The following ZFHX3 variants were observed in gnomAD, a reference collection of about 807,000 sequenced individuals.
ZFHX3 encodes zinc finger homeobox protein 3.
Under a neutral mutation model 279.1 loss-of-function variants are expected in ZFHX3, and 42 were observed. That is an observed-to-expected ratio of 0.15 (90% CI 0.12 to 0.19). The LOEUF is 0.19. Ranked by LOEUF, ZFHX3 falls within the 10% of genes least tolerant of loss-of-function variation. The pLI, the probability that ZFHX3 is intolerant of heterozygous loss-of-function variation, is 1.00. For missense variants in ZFHX3, 4,981 were observed against 4,754.0 expected (o/e 1.05, Z -1.40); for synonymous variants, 2,293 against 1,957.8 (o/e 1.17, Z -4.52).
intron 3 of ZFHX3, among the ~76,000 whole-genome samples, chr16:72,910,647 T>C (rs911114276): frequency 9.9e-5 from 15 of 152,166 alleles, no homozygotes; most frequent in Non-Finnish European, 1.6e-4. Flanking sequence ...AGAGATAATC[T>C]AGAGATGGCA....
chr16:73,321,455 G>T (rs551615645), intron 3 of ZFHX3, among the ~76,000 whole-genome samples: 9 of 152,294 alleles, frequency 5.9e-5, no homozygotes, highest in African/African-American at 1.4e-4. Flanking sequence ...TCAGTCCAGG[G>T]CATGTACATT....
chr16:73,536,910 A>G (rs1429610693), intron 2 of ZFHX3, among the ~76,000 whole-genome samples: 1 of 152,168 alleles, frequency 6.6e-6, no homozygotes, highest in Non-Finnish European at 1.5e-5. Flanking sequence ...GTATTTGCAT[A>G]GGTTAATTCA....
At chr16:73,002,740 A>G (rs560112036) in intron 1 of ZFHX3, among the ~76,000 whole-genome samples, 1 of 152,312 alleles carries the variant, frequency 6.6e-6, no homozygotes, top group African/African-American at 2.4e-5. Flanking sequence ...TTTTTTTTAA[A>G]TTAGGTTCTC....
intron 1 of ZFHX3, among the ~76,000 whole-genome samples, chr16:73,768,843 A>C (rs1362340375): frequency 6.6e-6 from 1 of 152,174 alleles, no homozygotes; most frequent in Non-Finnish European, 1.5e-5. Flanking sequence ...GAGAAACTGA[A>C]AGCTGTACTC....
At chr16:73,750,943 G>A (rs188363067) in intron 1 of ZFHX3, among the ~76,000 whole-genome samples, 114 of 152,290 alleles carry the variant, frequency 7.5e-4, no homozygotes, top group African/African-American at 2.4e-3. Flanking sequence ...ACCATCTACT[G>A]AGCATAAAAA....
At chr16:73,106,348 A>G (rs1048921406) in intron 7 of ZFHX3, among the ~76,000 whole-genome samples, 9 of 152,120 alleles carry the variant, frequency 5.9e-5, no homozygotes, top group Admixed American at 5.2e-4. Context: ...TTAAATGCCC[A>G]TGCTTTTTGC....
chr16:72,902,111 T>C (rs2144135087), intron 3 of ZFHX3, among the ~76,000 whole-genome samples: 1 of 152,322 alleles, frequency 6.6e-6, no homozygotes, highest in African/African-American at 2.4e-5. Context: ...AATGGGGCTG[T>C]AATTGCAGGA....
In ZFHX3 at chr16:73,353,203, G is replaced by A. The variant is rs563513069; in HGVS notation, c.-1290-34867C>T. ...AAATGGTAAGACACAGTTAGAACCC[G>A]TCTGCAAGAGACAAGAAAAATATTC... On this transcript the variant is annotated intron_variant, in intron 3 of 17. Coordinates refer to the ZFHX3 transcript ENST00000641206. Among the ~76,000 whole-genome samples the A allele has an allele frequency of 1.5e-3, 230 of 152,310 alleles. 1 individual carries two copies. Among genetic ancestry groups the A allele is most frequent in the African/African-American group, 5.1e-3 (210 of 41,566 alleles).
chr16:73,821,298 C>A (rs2142348842), intron 1 of ZFHX3, among the ~76,000 whole-genome samples: 1 of 152,304 alleles, frequency 6.6e-6, no homozygotes, highest in South Asian at 2.1e-4. Flanking sequence ...GTCTCTCCTG[C>A]TTTGAGGAAT....
chr16:73,369,933 A>G (rs773499453), intron 3 of ZFHX3, among the ~76,000 whole-genome samples: 1 of 152,160 alleles, frequency 6.6e-6, no homozygotes, highest in Non-Finnish European at 1.5e-5. Context: ...AATTGTTTCA[A>G]TATATCGCTT....
intron 3 of ZFHX3, among the ~76,000 whole-genome samples, chr16:72,897,381 T>G (rs1220770697): frequency 6.6e-6 from 1 of 152,180 alleles, no homozygotes; most frequent in Non-Finnish European, 1.5e-5. Flanking sequence ...TAGCGGGTGT[T>G]CATTCACCAT....
At chr16:72,876,138 G>A (rs574591895) in intron 4 of ZFHX3, among the ~76,000 whole-genome samples, 1 of 152,240 alleles carries the variant, frequency 6.6e-6, no homozygotes, top group African/African-American at 2.4e-5. Flanking sequence ...ACACGTGCAT[G>A]CATGCAACTT....
intron 3 of ZFHX3, among the ~76,000 whole-genome samples, chr16:73,442,805 T>C (rs966187702): frequency 2.6e-5 from 4 of 152,226 alleles, no homozygotes; most frequent in Non-Finnish European, 4.4e-5. Flanking sequence ...TGTTGGGCTT[T>C]GGCAATGGGT....
intron 9 of ZFHX3, among the ~76,000 whole-genome samples, chr16:72,792,697 G>A (rs531186234): frequency 1.2e-4 from 18 of 152,200 alleles, no homozygotes; most frequent in South Asian, 8.3e-4. Context: ...TGATCTGCCC[G>A]CCTCGGCCTC....
chr16:72,807,634 C>T (rs1173674982), intron 7 of ZFHX3: 1 of 152,122 alleles, frequency 6.6e-6, no homozygotes, highest in Admixed American at 6.5e-5. Flanking sequence ...AATCTGTTTC[C>T]ATTTATCAGG....
rs186802930 is a variant in ZFHX3, at chr16:73,511,144, C to G, written c.-1546-54886G>C. On this transcript the variant is annotated intron_variant, in intron 2 of 17. Transcript: ENST00000641206. ...GAGAACGGAAGTTAATGAAAAATTG[C>G]TTCTACCTTTTATTATCTGGGTAAA... Among the ~76,000 whole-genome samples, 4 of 152,306 alleles carry G rather than the reference C, an allele frequency of 2.6e-5. No individual in the cohort carries two copies. The East Asian group carries it at 7.7e-4, about 29-fold the overall frequency.
At chr16:73,705,935 A>C (rs888518021) in intron 1 of ZFHX3, among the ~76,000 whole-genome samples, 2 of 152,008 alleles carry the variant, frequency 1.3e-5, no homozygotes, top group African/African-American at 4.8e-5. Context: ...GTTATACCTC[A>C]CAGAGACTCT....
chr16:72,909,541 A>G (rs2039266117), intron 3 of ZFHX3, among the ~76,000 whole-genome samples: 1 of 152,036 alleles, frequency 6.6e-6, no homozygotes, highest in African/African-American at 2.4e-5. Context: ...CCTCTTAAAC[A>G]CACTCTTTGA....
chr16:72,829,330 G>A (rs1010856499), intron 5 of ZFHX3, among the ~76,000 whole-genome samples: 4 of 152,108 alleles, frequency 2.6e-5, no homozygotes, highest in Admixed American at 6.5e-5. Flanking sequence ...TTGAGGCTAA[G>A]AATCAGGGGT....
Sources: gnomAD v4.1 joint callset for allele counts (sites outside exome capture counted in the v4.1 genomes callset) on GRCh38, gnomAD v4.1.1 for gene constraint, MANE v1.5 for transcripts, NCBI Gene and HGNC (gene_info 2026-07-23, HGNC 2026-07-21) for gene names.